MYO18A: variants seen among roughly 807,000 people sequenced by gnomAD.
The protein encoded by MYO18A is unconventional myosin-XVIIIa.
Under a neutral mutation model 235.8 loss-of-function variants are expected in MYO18A, and 78 were observed. That is an observed-to-expected ratio of 0.33 (90% CI 0.28 to 0.40). The LOEUF (loss-of-function observed/expected upper bound fraction) is 0.40, where lower values mean the gene tolerates loss of function less well. Ranked by LOEUF, MYO18A falls within the 10% of genes least tolerant of loss-of-function variation. The pLI, the probability that MYO18A is intolerant of heterozygous loss-of-function variation, is 1.00. For missense variants in MYO18A, 2,215 were observed against 2,699.3 expected (o/e 0.82, Z 3.98); for synonymous variants, 977 against 1,077.8 (o/e 0.91, Z 1.83).
In MYO18A at chr17:29,074,602, C is replaced by T. The variant is rs2065931247; in HGVS notation, c.*168G>A. Reference sequence around the variant, plus strand: ...TTCCCCCACCTCTTCCACGTGGAGACATCAGACACCCATAGCCTGGAAAGT... The same window carrying T: ...TTCCCCCACCTCTTCCACGTGGAGATATCAGACACCCATAGCCTGGAAAGT... On this transcript the variant is annotated 3_prime_UTR_variant, in exon 42 of 42. Transcript: ENST00000527372. The surrounding 1 kb of genome is among the most constrained non-coding windows in gnomAD (Gnocchi z 4.4). 1 of 693,062 alleles carries T rather than the reference C, an allele frequency of 1.4e-6. No homozygotes were observed. The highest frequency in any genetic ancestry group is 1.9e-5 in the South Asian group (1 of 51,764). 42.9% of individuals were successfully genotyped at this position (693,062 alleles called of 1,614,324 possible).
chr17:29,127,912 C>T (rs1486121816), intron 2 of MYO18A: 21 of 994,176 alleles, frequency 2.1e-5, no homozygotes, highest in Non-Finnish European at 2.5e-5. Context: ...GGTCTGACTT[C>T]GGGCCGGTGG....
intron 1 of MYO18A, among the ~76,000 whole-genome samples, chr17:29,171,661 G>A (rs565185348): frequency 1.1e-4 from 17 of 152,182 alleles, no homozygotes; most frequent in Middle Eastern, 3.4e-3. Flanking sequence ...TTGGGAGGCC[G>A]AGACGGGCAG....
chr17:29,129,712 C>T (rs181261499), intron 2 of MYO18A, among the ~76,000 whole-genome samples: 122 of 152,368 alleles, frequency 8.0e-4, no homozygotes, highest in Admixed American at 5.2e-3. Flanking sequence ...AAGACGCTCA[C>T]AGTAGGCGCA....
chr17:29,121,178 C>A lies in MYO18A; in HGVS notation c.1405G>T (p.Asp469Tyr). 3 of 1,609,740 alleles carry A rather than the reference C, an allele frequency of 1.9e-6. No individual in the cohort carries two copies. Among genetic ancestry groups the A allele is most frequent in the Non-Finnish European group, 2.5e-6 (3 of 1,178,180 alleles). The stretch of plus-strand genomic sequence containing the variant: ...ACTGCATAGATGTGGGGTGCCATGT[C>A]CTCCCGCCGACAACCCTTGAACATG... ...MHMFKGCRRE[D>Y]MAPHIYAVAQ... Residue 469 changes from aspartate to tyrosine, a missense_variant, in exon 6 of 42, where the codon GAC (aspartate) becomes TAC (tyrosine). By Grantham distance (160) the Asp-to-Tyr change is radical. Coordinates refer to ENST00000527372, the MANE Select transcript of MYO18A (RefSeq NM_078471.4). The surrounding 1 kb of genome is among the most constrained non-coding windows in gnomAD (Gnocchi z 4.2).
chr17:29,136,144 G>A (rs1017933740), intron 2 of MYO18A, among the ~76,000 whole-genome samples: 6 of 151,344 alleles, frequency 4.0e-5, no homozygotes, highest in Non-Finnish European at 7.4e-5. Context: ...TGGGAGGATC[G>A]CTTGAGCCTG....
intron 1 of MYO18A, among the ~76,000 whole-genome samples, chr17:29,167,585 T>C (rs1352979623): frequency 6.6e-6 from 1 of 151,916 alleles, no homozygotes; most frequent in African/African-American, 2.4e-5. Context: ...TGCTGGTGCA[T>C]GCCCACATTC....
chr17:29,162,481 C>T (rs2152970025), intron 2 of MYO18A, among the ~76,000 whole-genome samples: 1 of 152,282 alleles, frequency 6.6e-6, no homozygotes, highest in Middle Eastern at 3.4e-3. Flanking sequence ...TTCCTCTTGC[C>T]TCCGCTTCAC....
In MYO18A at chr17:29,111,392, C is replaced by G. The variant is rs1270995110; in HGVS notation, c.2900+32G>C. ...CCCAAAATCAAAACAGTCCTGGGTACAGAACAGGGGCGGAGGGAGTGGTGG... is the reference window on the plus strand; with the variant it reads ...CCCAAAATCAAAACAGTCCTGGGTAGAGAACAGGGGCGGAGGGAGTGGTGG... On this transcript the variant is annotated intron_variant, in intron 17 of 41. Coordinates refer to ENST00000527372, the MANE Select transcript of MYO18A (RefSeq NM_078471.4). The surrounding 1 kb of genome is among the most constrained non-coding windows in gnomAD (Gnocchi z 5.1). 6.2e-7 allele frequency: 1 copy of G among 1,605,702 alleles called. No homozygotes were observed. Among genetic ancestry groups the G allele is most frequent in the East Asian group, 2.2e-5 (1 of 44,684 alleles).
Position 29,166,450 on chromosome 17 carries a change from G to A in MYO18A, c.491C>T (p.Ser164Leu), listed in dbSNP as rs928801353. Residue 164 changes from serine to leucine, a missense_variant, in exon 2 of 42, where the codon TCG (serine) becomes TTG (leucine). Coordinates refer to ENST00000527372, the MANE Select transcript of MYO18A (RefSeq NM_078471.4). The stretch of plus-strand genomic sequence containing the variant: ...TAGAGTCCTCACCTCCACCTGTGGC[G>A]AGGGGGCGGCAGAGTGCTCTGAGGG... The part of the protein sequence containing the change: ...STPSEHSAAP[S>L]PQVEVRTLEG... The A allele has an allele frequency of 1.3e-5, 21 of 1,613,694 alleles. No homozygotes were observed. The highest frequency in any genetic ancestry group is 1.4e-5 in the Non-Finnish European group (16 of 1,179,894).
rs779847108 is a variant in MYO18A at position 29,082,393 on chromosome 17, G to A, written c.5943C>T (p.Asp1981=). Reference sequence around the variant, plus strand: ...TTTTTGACAACCAGGACTTGACCCCGTCAACACGGTCCTCCAGCTCCGAGT... The same window carrying A: ...TTTTTGACAACCAGGACTTGACCCCATCAACACGGTCCTCCAGCTCCGAGT... ...DVDSELEDRV[D]GVKSWLSKNK... The change falls in exon 41 of 42, where the codon GAC becomes GAT. Residue 1981 remains aspartate (D), a synonymous_variant. Transcript: ENST00000527372. 15 of 1,613,650 alleles carry A rather than the reference G, an allele frequency of 9.3e-6. No individual in the cohort carries two copies. Among genetic ancestry groups the A allele is most frequent in the South Asian group, 7.7e-5 (7 of 91,068 alleles).
chr17:29,146,600 C>T (rs1224686522), intron 2 of MYO18A, among the ~76,000 whole-genome samples: 1 of 152,218 alleles, frequency 6.6e-6, no homozygotes. Flanking sequence ...GTGACCCAAT[C>T]AGTTTCAAGG....
rs201746477 is a variant in MYO18A at position 29,074,843 on chromosome 17, G to C, written c.6092C>G (p.Ser2031Cys). 6.2e-7 allele frequency: 1 copy of C among 1,613,998 alleles called. No individual in the cohort carries two copies. The highest frequency in any genetic ancestry group is 1.1e-5 in the South Asian group (1 of 91,082). ...DDEHDPLDNT[S>C]RPRYSHSYLS... Reference sequence around the variant, plus strand: ...ATAACTGTGGGAGTATCGCGGTCTGGAGGTGTTGTCGAGAGGGTCGTGCTC... The same window carrying C: ...ATAACTGTGGGAGTATCGCGGTCTGCAGGTGTTGTCGAGAGGGTCGTGCTC... Residue 2031 changes from serine to cysteine, a missense_variant, in exon 42 of 42, where the codon TCC (serine) becomes TGC (cysteine). Ser to Cys is a moderately radical substitution (Grantham distance 112). Transcript: ENST00000527372. The surrounding 1 kb of genome is among the most constrained non-coding windows in gnomAD (Gnocchi z 4.4).
At chr17:29,088,116 C>T (rs1383533399) in intron 37 of MYO18A, among the ~76,000 whole-genome samples, 4 of 146,236 alleles carry the variant, frequency 2.7e-5, no homozygotes, top group African/African-American at 7.7e-5. Flanking sequence ...TGCAGTGGCG[C>T]GATCTCCGCT....
At position 29,119,379 on chromosome 17, in the gene MYO18A, G is replaced by A; in HGVS notation, c.1785C>T (p.Phe595=). 6.2e-7 allele frequency: 1 copy of A among 1,612,942 alleles called. No homozygotes were observed. The change falls in exon 8 of 42, where the codon TTC becomes TTT. Residue 595 remains phenylalanine, a synonymous_variant. Coordinates refer to ENST00000527372, the MANE Select transcript of MYO18A (RefSeq NM_078471.4). ...AGGCCAGCAGGTAGTAGAAGACGTT[G>A]AATGTGGCTTCACTGGCTGGGCGCC... is the stretch of plus-strand genomic sequence containing the variant. The part of the protein sequence containing the change: ...VARRPASEAT[F]NVFYYLLACG...
At chr17:29,161,029 G>A (rs1381966723) in intron 2 of MYO18A, among the ~76,000 whole-genome samples, 1 of 151,962 alleles carries the variant, frequency 6.6e-6, no homozygotes, top group Non-Finnish European at 1.5e-5. Flanking sequence ...ACCAGCCTGG[G>A]CAACATGGTG....
At chr17:29,085,523 G>A (rs1187555725) in intron 40 of MYO18A, 81 bp downstream of exon 40, 3 of 1,301,136 alleles carry the variant, frequency 2.3e-6, no homozygotes, top group Non-Finnish European at 3.3e-6. Flanking sequence ...TGCGTGCAGC[G>A]GCCCCAGGGT....
intron 2 of MYO18A, among the ~76,000 whole-genome samples, chr17:29,154,795 G>A (rs1445258977): frequency 6.6e-6 from 1 of 152,222 alleles, no homozygotes; most frequent in Non-Finnish European, 1.5e-5. Flanking sequence ...GGCAGAAGAT[G>A]CCAGCCCAGC....
At position 29,111,953 on chromosome 17, in the gene MYO18A, T is replaced by C. The variant is rs1371743582; in HGVS notation, c.2599-90A>G. On this transcript the variant is annotated intron_variant, in intron 15 of 41. Transcript: ENST00000527372. This position sits in a 1 kb window ranked among gnomAD's most constrained non-coding sequence, Gnocchi z 5.1. ...CCGGGCCCAAACACACCCTACAGAA[T>C]GCTACACATGTGCACACATGCACAC... 2.7e-6 allele frequency: 4 copies of C among 1,477,480 alleles called. No individual in the cohort carries two copies. Among genetic ancestry groups the C allele is most frequent in the Non-Finnish European group, 2.7e-6 (3 of 1,096,792 alleles). 91.5% of individuals were successfully genotyped at this position (1,477,480 alleles called of 1,614,324 possible).
At chr17:29,177,546 C>G (rs117093639) in intron 1 of MYO18A, among the ~76,000 whole-genome samples, 1 of 152,120 alleles carries the variant, frequency 6.6e-6, no homozygotes, top group Non-Finnish European at 1.5e-5. Flanking sequence ...CTAATTCAGG[C>G]CACCTTGGAA....
Sources: allele counts gnomAD v4.1 joint callset (sites outside exome capture counted in the v4.1 genomes callset), GRCh38; gene constraint gnomAD v4.1.1; non-coding constraint Gnocchi (gnomAD v3.1); transcripts MANE v1.5; gene names NCBI Gene and HGNC (gene_info 2026-07-23, HGNC 2026-07-21).